EPHA6: variants seen among roughly 807,000 people sequenced by gnomAD.
EPHA6 encodes the protein EPH receptor A6, also known as ephrin type-A receptor 6.
In EPHA6, 50 loss-of-function variants were observed where a neutral mutation model predicts 112.0. The ratio of observed to expected loss-of-function variants is 0.45; its 90% CI spans 0.36 to 0.56. The LOEUF is 0.56. Ranked by LOEUF, EPHA6 falls within the 20% of genes least tolerant of loss-of-function variation. The pLI, the probability that EPHA6 is intolerant of heterozygous loss-of-function variation, is 0.00. For missense variants in EPHA6, 1,280 were observed against 1,417.4 expected (o/e 0.90, Z 1.56); for synonymous variants, 529 against 490.7 (o/e 1.08, Z -1.03).
chr3:97,058,585 A>C (rs2045924215), intron 3 of EPHA6, among the ~76,000 whole-genome samples: 1 of 152,202 alleles, frequency 6.6e-6, no homozygotes, highest in Non-Finnish European at 1.5e-5. Flanking sequence ...TACAGGTGTG[A>C]GCCACCATGC....
chr3:96,979,417 A>G (rs976546598), intron 2 of EPHA6, among the ~76,000 whole-genome samples: 2 of 152,188 alleles, frequency 1.3e-5, no homozygotes, highest in Admixed American at 1.3e-4. Context: ...TCCATGGTGT[A>G]TATGTGCCAC....
At chr3:97,728,215 T>C (rs1443134407) in intron 15 of EPHA6, among the ~76,000 whole-genome samples, 1 of 151,814 alleles carries the variant, frequency 6.6e-6, no homozygotes, top group African/African-American at 2.4e-5. Flanking sequence ...TTATTTAGAG[T>C]TGTCTACTAT....
chr3:97,617,048 T>C (rs574391326), intron 13 of EPHA6, among the ~76,000 whole-genome samples: 23 of 152,192 alleles, frequency 1.5e-4, no homozygotes, highest in African/African-American at 4.3e-4. Context: ...CCAGATCACC[T>C]ACAAAGGGGA....
At chr3:97,543,805 C>T (rs950337760) in intron 11 of EPHA6, among the ~76,000 whole-genome samples, 1 of 152,016 alleles carries the variant, frequency 6.6e-6, no homozygotes, top group African/African-American at 2.4e-5. Flanking sequence ...TGAAGAGGTC[C>T]TTCACATCCC....
chr3:96,840,210 C>T (rs745866140), intron 1 of EPHA6, among the ~76,000 whole-genome samples: 6 of 150,468 alleles, frequency 4.0e-5, no homozygotes, highest in Admixed American at 7.0e-5. Flanking sequence ...ATTTTGTGAA[C>T]AATAATAGTG....
chr3:96,868,390 G>T (rs540251993), intron 2 of EPHA6, among the ~76,000 whole-genome samples: 1 of 151,744 alleles, frequency 6.6e-6, no homozygotes, highest in African/African-American at 2.4e-5. Context: ...GAAGAACTTG[G>T]GAAAGAGGCT....
chr3:96,954,610 A>G (rs2041681075), intron 2 of EPHA6, among the ~76,000 whole-genome samples: 1 of 152,108 alleles, frequency 6.6e-6, no homozygotes, highest in African/African-American at 2.4e-5. Context: ...CAACTCCCTC[A>G]TTCACTCATG....
At chr3:97,215,001 AG>A (rs1479614611) in intron 3 of EPHA6, among the ~76,000 whole-genome samples, 1 of 152,216 alleles carries the variant, frequency 6.6e-6, no homozygotes, top group Non-Finnish European at 1.5e-5. Flanking sequence ...GAAATGATGC[AG>A]ATCATATATT....
chr3:97,545,677 T>C (rs902767281), intron 11 of EPHA6, among the ~76,000 whole-genome samples: 2 of 152,098 alleles, frequency 1.3e-5, no homozygotes, highest in Non-Finnish European at 2.9e-5. Flanking sequence ...TTAAAGTCTC[T>C]CATTATTATT....
chr3:97,624,997 A>G (rs2093843803), intron 13 of EPHA6, among the ~76,000 whole-genome samples: 1 of 151,406 alleles, frequency 6.6e-6, no homozygotes, highest in African/African-American at 2.4e-5. Context: ...GGAAGAACCA[A>G]CTTTTGGTTT....
At position 96,834,911 on chromosome 3, in the gene EPHA6, G is replaced by A. The variant is rs541288498; in HGVS notation, c.385+19903G>A. ...GATGGGGTTTATGAGCAGGTGTCCGGCCATACAACAATTATAATAATAATG... is the reference window on the plus strand; with the variant it reads ...GATGGGGTTTATGAGCAGGTGTCCGACCATACAACAATTATAATAATAATG... On this transcript the variant is annotated intron_variant, in intron 1 of 17. Transcript: ENST00000389672. Among the ~76,000 whole-genome samples the A allele has an allele frequency of 2.8e-4, 42 of 151,970 alleles. 1 individual carries two copies. In the South Asian group the frequency reaches 7.7e-3, roughly 28 times the overall value.
At chr3:97,609,458 C>T (rs1024067180) in intron 12 of EPHA6, among the ~76,000 whole-genome samples, 7 of 151,238 alleles carry the variant, frequency 4.6e-5, no homozygotes, top group African/African-American at 1.2e-4. Flanking sequence ...CAATAATTGA[C>T]GATAAAGTTC....
chr3:96,857,138 A>G (rs1403241114), intron 1 of EPHA6, among the ~76,000 whole-genome samples: 1 of 152,172 alleles, frequency 6.6e-6, no homozygotes, highest in Non-Finnish European at 1.5e-5. Context: ...TTGCTGTCTT[A>G]TGCTTAATTA....
At chr3:97,318,275 A>G (rs1370596540) in intron 5 of EPHA6, among the ~76,000 whole-genome samples, 1 of 152,044 alleles carries the variant, frequency 6.6e-6, no homozygotes, top group Non-Finnish European at 1.5e-5. Context: ...AGAAATCTTC[A>G]CTGATGAAGA....
intron 5 of EPHA6, among the ~76,000 whole-genome samples, chr3:97,357,483 TG>T (rs1239921836): frequency 6.6e-6 from 1 of 152,214 alleles, no homozygotes; most frequent in Non-Finnish European, 1.5e-5. Context: ...ATTACAGGCA[TG>T]AGCCACTGTG....
intron 5 of EPHA6, among the ~76,000 whole-genome samples, chr3:97,350,236 T>C (rs2083742404): frequency 6.6e-6 from 1 of 152,038 alleles, no homozygotes; most frequent in African/African-American, 2.4e-5. Context: ...ACACCAAGAA[T>C]GACAGACTAG....
At chr3:97,258,343 A>C (rs1301938671) in intron 5 of EPHA6, among the ~76,000 whole-genome samples, 1 of 151,994 alleles carries the variant, frequency 6.6e-6, no homozygotes, top group Non-Finnish European at 1.5e-5. Context: ...ACCTTTTAAA[A>C]TTTCAATGTT....
Position 96,931,018 on chromosome 3 carries a change from A to AAAAAAAAAG in EPHA6, c.451-56309_451-56308insAAAAAGAAA, listed in dbSNP as rs796531853. 6.7e-3 allele frequency among the ~76,000 whole-genome samples: 564 copies of AAAAAAAAAG among 84,566 alleles called. 100 individuals carry two copies. Among genetic ancestry groups the AAAAAAAAAG allele is most frequent in the East Asian group, 0.013 (37 of 2,800 alleles). 55.5% of individuals were successfully genotyped at this position (84,566 alleles called of 152,430 possible). A position where few individuals can be genotyped will look rare whatever the true frequency, so the allele number is the denominator to read the frequency against. On this transcript the variant is annotated intron_variant, in intron 2 of 17. Transcript: ENST00000389672. ...AAAAAAAAAAAAAAAAAAAAAAAAA[A>AAAAAAAAAG]AAAGAAAAGCTTTCTGGCTGCTTTT...
intron 2 of EPHA6, among the ~76,000 whole-genome samples, chr3:96,941,437 C>T (rs1225418093): frequency 6.6e-6 from 1 of 152,192 alleles, no homozygotes; most frequent in African/African-American, 2.4e-5. Context: ...CGAGCCTTGG[C>T]TTTCAGCTCC....
Sources: allele counts gnomAD v4.1 joint callset (sites outside exome capture counted in the v4.1 genomes callset), GRCh38; gene constraint gnomAD v4.1.1; transcripts MANE v1.5; gene names NCBI Gene and HGNC (gene_info 2026-07-23, HGNC 2026-07-21).